C14orf93: variants seen among roughly 807,000 people sequenced by gnomAD.
The protein encoded by C14orf93 is uncharacterized protein C14orf93.
A neutral mutation model predicts 44.0 loss-of-function variants in C14orf93; 23 were observed. That is an observed-to-expected ratio of 0.52 (90% confidence interval 0.38 to 0.74). C14orf93 has a LOEUF of 0.74. Ranked by LOEUF, C14orf93 falls within the 30% of genes least tolerant of loss-of-function variation. The pLI is 0.00. For missense variants in C14orf93, 579 were observed against 678.9 expected, an observed-to-expected ratio of 0.85 and a Z score of 1.64; for synonymous variants, 253 against 265.7, an observed-to-expected ratio of 0.95 and a Z score of 0.46.
chr14:22,988,077 GT>G, intron 5 of C14orf93, 62 bp from the exon 6 acceptor site: 2 of 1,159,806 alleles, frequency 1.7e-6, no homozygotes, highest in South Asian at 1.3e-5. Context: ...TCCCCAGCCC[GT>G]TTTTCTGCCC....
In C14orf93 at chr14:22,995,948, A is replaced by G. The variant is rs758986830; in HGVS notation, c.918T>C (p.Ser306=). 3 of 1,574,284 alleles carry G rather than the reference A, an allele frequency of 1.9e-6. No individual in the cohort carries two copies. Among genetic ancestry groups the G allele is most frequent in the Non-Finnish European group, 2.6e-6 (3 of 1,157,000 alleles). ...NSRRKRDLVL[S]KLVHNVHNHI... ...ATTTATAGAAACTGAGCTCACTCACAGAGAGTACAAGATCCCGCTTGCGCC... is the reference window on the plus strand; with the variant it reads ...ATTTATAGAAACTGAGCTCACTCACGGAGAGTACAAGATCCCGCTTGCGCC... The change falls in exon 3 of 7, where the codon TCT becomes TCC. Residue 306 remains serine (S), a splice_region_variant and synonymous_variant. Coordinates refer to ENST00000299088, the MANE Select transcript of C14orf93 (RefSeq NM_021944.4).
At chr14:23,004,209 A>AT in intron 1 of C14orf93, among the ~76,000 whole-genome samples, 1 of 133,718 alleles carries the variant, frequency 7.5e-6, no homozygotes, top group African/African-American at 2.9e-5. Flanking sequence ...TTCCCGGCCA[A>AT]AATATATATA....
intron 1 of C14orf93, among the ~76,000 whole-genome samples, chr14:23,004,537 A>T (rs2046532341): frequency 6.6e-6 from 1 of 152,206 alleles, no homozygotes; most frequent in Non-Finnish European, 1.5e-5. Flanking sequence ...TGAAAGGAAG[A>T]CAAAGTCTCT....
chr14:22,989,725 AAACC>A lies in C14orf93; in HGVS notation c.1084+13_1084+16del. The A allele has an allele frequency of 6.4e-7, 1 of 1,564,060 alleles. No individual in the cohort carries two copies. The highest frequency in any genetic ancestry group is 1.1e-5 in the South Asian group (1 of 89,778). ...GGGGAGAAAGGATGGCATAGGAGTT[AAACC>A]AGTTTTTCTCACCTTTTAGCTCCTT... On this transcript the variant is annotated intron_variant, in intron 5 of 6. Coordinates refer to ENST00000299088, the MANE Select transcript of C14orf93 (RefSeq NM_021944.4).
At chr14:22,998,253 T>A in intron 2 of C14orf93, 174 bp downstream of exon 2, 1 of 988,488 alleles carries the variant, frequency 1.0e-6, no homozygotes, top group Admixed American at 3.6e-5. Flanking sequence ...AGCTGATGGT[T>A]CAGGAAGAAA....
intron 1 of C14orf93, among the ~76,000 whole-genome samples, chr14:23,003,900 T>A (rs868549423): frequency 5.8e-3 from 148 of 25,476 alleles, no homozygotes; most frequent in African/African-American, 0.015. Flanking sequence ...ATATATATAT[T>A]TTTTTTTTTT....
Position 22,996,211 on chromosome 14 carries a change from A to G in C14orf93, c.655T>C (p.Tyr219His). 1.9e-6 allele frequency: 3 copies of G among 1,609,674 alleles called. No individual in the cohort carries two copies. Among genetic ancestry groups the G allele is most frequent in the Admixed American group, 3.4e-5 (2 of 59,696 alleles). The part of the protein sequence containing the change: ...GAVQRVLVPA[Y>H]AKQLSPATQL... ...GTGGCTGGTGAGAGTTGCTTGGCAT[A>G]AGCAGGGACCAGAACTCGCTGTACT... The change falls in exon 3 of 7, where the codon TAT (tyrosine) becomes CAT (histidine). Residue 219 changes from tyrosine to histidine, a missense_variant. Transcript: ENST00000299088. This position sits in a 1 kb window ranked among gnomAD's most constrained non-coding sequence, Gnocchi z 4.1.
Position 22,987,957 on chromosome 14 carries a change from G to A in C14orf93, c.1143C>T (p.Pro381=). Residue 381 remains proline (P), a synonymous_variant, in exon 6 of 7, where the codon CCC becomes CCT. Coordinates refer to ENST00000299088, the MANE Select transcript of C14orf93 (RefSeq NM_021944.4). This position sits in a 1 kb window ranked among gnomAD's most constrained non-coding sequence, Gnocchi z 5.6. ...CCTCTTTTTCCTTCAGGCCTTTAAA[G>A]GGGTTCAGGGAGTTGCGGTACTCAC... ...KRREYRNSLN[P]FKGLKEKEEK... 6.2e-7 allele frequency: 1 copy of A among 1,614,032 alleles called. No individual in the cohort carries two copies. The highest frequency in any genetic ancestry group is 1.3e-5 in the African/African-American group (1 of 75,032).
intron 3 of C14orf93, 39 bp downstream of exon 3, chr14:22,995,909 C>T (rs1271319045): frequency 6.6e-7 from 1 of 1,524,050 alleles, no homozygotes; most frequent in Non-Finnish European, 8.8e-7. Context: ...CTTATCTCTC[C>T]AGACTGAAGA....
intron 1 of C14orf93, among the ~76,000 whole-genome samples, chr14:23,008,954 T>C (rs1020960477): frequency 2.6e-5 from 4 of 152,228 alleles, no homozygotes; most frequent in African/African-American, 9.6e-5. Flanking sequence ...TTTCGAATAT[T>C]CCAACCAATA....
rs1017252818 is a variant in C14orf93 at position 22,986,421 on chromosome 14, A to C, written c.*794T>G. 1.3e-5 allele frequency: 2 copies of C among 152,332 alleles called. No individual in the cohort carries two copies. Among genetic ancestry groups the C allele is most frequent in the African/African-American group, 2.4e-5 (1 of 41,470 alleles). The allele number at this position is 152,332 out of a possible 1,614,324, so 9.4% of individuals were successfully genotyped here. ...CCTAGTAAAGCGATCAATGTTTGTT[A>C]TAAGACTGAATAAATGTAAAGCCAT... On this transcript the variant is annotated 3_prime_UTR_variant, in exon 7 of 7. Coordinates refer to ENST00000299088, the MANE Select transcript of C14orf93 (RefSeq NM_021944.4).
Position 22,985,928 on chromosome 14 carries a change from G to A in C14orf93, c.*1287C>T, listed in dbSNP as rs529292396. 16 of 152,314 alleles carry A rather than the reference G, an allele frequency of 1.1e-4. No individual in the cohort carries two copies. Among genetic ancestry groups the A allele is most frequent in the South Asian group, 6.2e-4 (3 of 4,834 alleles). 9.4% of individuals were successfully genotyped at this position (152,314 alleles called of 1,614,324 possible). ...GGACTGCCTGTAGGCAAAACCTGTC[G>A]TTTTATTTCCCTGCTAAAACAAACT... is the stretch of plus-strand genomic sequence containing the variant. On this transcript the variant is annotated 3_prime_UTR_variant, in exon 7 of 7. Coordinates refer to ENST00000299088, the MANE Select transcript of C14orf93 (RefSeq NM_021944.4).
At chr14:22,988,560 G>C (rs545371102) in intron 5 of C14orf93, among the ~76,000 whole-genome samples, 1 of 152,190 alleles carries the variant, frequency 6.6e-6, no homozygotes, top group African/African-American at 2.4e-5. Context: ...GAGGGCAGTG[G>C]CATGGTCATG....
In C14orf93 at chr14:22,996,881, G is replaced by A. The variant is rs933539780; in HGVS notation, c.598-613C>T. Among the ~76,000 whole-genome samples, 12 of 152,060 alleles carry A rather than the reference G, an allele frequency of 7.9e-5. No individual in the cohort carries two copies. Among genetic ancestry groups the A allele is most frequent in the African/African-American group, 1.2e-4 (5 of 41,384 alleles). ...CCCTCACTCAAGGACATACAGAGCC[G>A]GGAAAGGAAGAAGGGAGCAAGGGAG... On this transcript the variant is annotated intron_variant, in intron 2 of 6. Coordinates refer to ENST00000299088, the MANE Select transcript of C14orf93 (RefSeq NM_021944.4). This position sits in a 1 kb window ranked among gnomAD's most constrained non-coding sequence, Gnocchi z 4.1.
Position 22,998,241 on chromosome 14 carries a change from G to T in C14orf93, c.597+186C>A. On this transcript the variant is annotated intron_variant, in intron 2 of 6. Coordinates refer to ENST00000299088, the MANE Select transcript of C14orf93 (RefSeq NM_021944.4). Reference sequence around the variant, plus strand: ...CAGCAAAAAATGACCTTCTGCCAAAGAAGCTGATGGTTCAGGAAGAAAATA... The same window carrying T: ...CAGCAAAAAATGACCTTCTGCCAAATAAGCTGATGGTTCAGGAAGAAAATA... 5.6e-6 allele frequency: 5 copies of T among 887,338 alleles called. No homozygotes were observed. The Middle Eastern group carries it at 1.8e-3, about 321-fold the overall frequency. 55.0% of individuals were successfully genotyped at this position (887,338 alleles called of 1,614,324 possible). A position where few individuals can be genotyped will look rare whatever the true frequency, so the allele number is the denominator to read the frequency against.
intron 5 of C14orf93, 151 bp from the exon 6 acceptor site, chr14:22,988,166 T>A: frequency 1.7e-6 from 1 of 581,186 alleles, no homozygotes; most frequent in Admixed American, 3.3e-5. Context: ...GTAGTTTCAC[T>A]CTTGTTGCCC....
chr14:22,987,410 C>T lies in C14orf93; in HGVS notation c.1422G>A (p.Gly474=). The stretch of plus-strand genomic sequence containing the variant: ...CAGAAGGCAGTCTGTCTGAGGGAGG[C>T]CCATACACACGGTTGGCTTTGGTGC... The part of the protein sequence containing the change: ...KHGTKANRVY[G]PPSDRLPSAE... The change falls in exon 7 of 7, where the codon GGG becomes GGA. Residue 474 remains glycine, a synonymous_variant. Transcript: ENST00000299088. The surrounding 1 kb of genome is among the most constrained non-coding windows in gnomAD (Gnocchi z 5.6). 3 of 1,614,258 alleles carry T rather than the reference C, an allele frequency of 1.9e-6. No individual in the cohort carries two copies. The highest frequency in any genetic ancestry group is 2.5e-6 in the Non-Finnish European group (3 of 1,180,050).
chr14:23,007,549 T>C (rs1254708414), intron 1 of C14orf93, among the ~76,000 whole-genome samples: 1 of 152,178 alleles, frequency 6.6e-6, no homozygotes, highest in Non-Finnish European at 1.5e-5. Context: ...TTTCCAATAC[T>C]AGGGGCCCCG....
chr14:22,998,865 C>G lies in C14orf93; in HGVS notation c.159G>C (p.Leu53Phe). 6.2e-7 allele frequency: 1 copy of G among 1,613,962 alleles called. No homozygotes were observed. The highest frequency in any genetic ancestry group is 1.1e-5 in the South Asian group (1 of 91,070). Residue 53 changes from leucine to phenylalanine, a missense_variant, in exon 2 of 7, where the codon TTG becomes TTC. Physicochemically the swap from Leu to Phe is conservative, Grantham distance 22. Transcript: ENST00000299088. ...STPITVTGHG[L>F]AVQSSEQLLH... Reference sequence around the variant, plus strand: ...GGAGCTGCTCTGAGCTCTGAACAGCCAAGCCATGTCCAGTCACTGTGATGG... The same window carrying G: ...GGAGCTGCTCTGAGCTCTGAACAGCGAAGCCATGTCCAGTCACTGTGATGG...
Sources: allele counts gnomAD v4.1 joint callset (sites outside exome capture counted in the v4.1 genomes callset), GRCh38; gene constraint gnomAD v4.1.1; non-coding constraint Gnocchi (gnomAD v3.1); transcripts MANE v1.5; gene names NCBI Gene and HGNC (gene_info 2026-07-23, HGNC 2026-07-21).